The following KLF17 variants were observed in gnomAD, a reference collection of about 807,000 sequenced individuals.
KLF17 encodes the protein Krueppel-like factor 17.
In KLF17, 31 loss-of-function variants were observed where a neutral mutation model predicts 34.2. The ratio of observed to expected loss-of-function variants is 0.91; its 90% CI spans 0.68 to 1.22. The LOEUF (loss-of-function observed/expected upper bound fraction) is 1.22. Among genes scored for constraint, KLF17 ranks in the 50% most tolerant of loss-of-function variants. KLF17 has a pLI of 0.00. For missense variants in KLF17, 478 were observed against 505.2 expected, an observed-to-expected ratio of 0.95 and a Z score of 0.52; for synonymous variants, 179 against 186.7, an observed-to-expected ratio of 0.96 and a Z score of 0.34.
the KLF17 span, among the ~76,000 whole-genome samples, chr1:44,079,340 G>T: frequency 7.1e-6 from 1 of 140,544 alleles, no homozygotes; most frequent in African/African-American, 2.7e-5. Context: ...TTGCTCTGTT[G>T]CCCAGGTTGG....
the KLF17 span, among the ~76,000 whole-genome samples, chr1:44,081,100 T>C: frequency 2.0e-5 from 3 of 151,656 alleles, no homozygotes; most frequent in South Asian, 4.2e-4. Flanking sequence ...TGAGGAAGTA[T>C]ACCACTGTAA....
the KLF17 span, among the ~76,000 whole-genome samples, chr1:44,053,462 G>C: frequency 1.3e-4 from 20 of 152,208 alleles, no homozygotes; most frequent in African/African-American, 2.2e-4. Context: ...TAGTTCTGGG[G>C]GGGGAGGACA....
At chr1:44,111,289 C>T in the KLF17 span, among the ~76,000 whole-genome samples, 4 of 152,096 alleles carry the variant, frequency 2.6e-5, no homozygotes, top group African/African-American at 4.8e-5. Context: ...AGCCACCATG[C>T]CCGGCCTGTG....
chr1:44,083,505 T>C, the KLF17 span, among the ~76,000 whole-genome samples: 1 of 151,952 alleles, frequency 6.6e-6, no homozygotes, highest in African/African-American at 2.4e-5. Context: ...GCTCATGAAA[T>C]AGGCACAAGA....
the KLF17 span, among the ~76,000 whole-genome samples, chr1:44,064,051 GA>G: frequency 6.6e-6 from 1 of 152,134 alleles, no homozygotes; most frequent in Non-Finnish European, 1.5e-5. Context: ...GGCACATGGA[GA>G]ATACCTAGCA....
At chr1:44,099,916 A>AGAAAGAAG in the KLF17 span, among the ~76,000 whole-genome samples, 3 of 71,622 alleles carry the variant, frequency 4.2e-5, no homozygotes, top group Non-Finnish European at 9.6e-5. Context: ...AAAGAAAGAA[A>AGAAAGAAG]GAAAAGAAAG....
At chr1:44,131,740 G>A (rs1172600039) in intron 3 of KLF17, among the ~76,000 whole-genome samples, 1 of 152,194 alleles carries the variant, frequency 6.6e-6, no homozygotes, top group Non-Finnish European at 1.5e-5. Context: ...TGCCACCATG[G>A]CTGGAGTACA....
At chr1:44,128,551 C>G (rs1003334752) in intron 1 of KLF17, among the ~76,000 whole-genome samples, 15 of 152,106 alleles carry the variant, frequency 9.9e-5, no homozygotes, top group African/African-American at 3.6e-4. Context: ...GATCTCAGAC[C>G]TGCCCAGGCA....
At chr1:44,120,938 C>A (rs1199585705) in intron 1 of KLF17, among the ~76,000 whole-genome samples, 2 of 152,132 alleles carry the variant, frequency 1.3e-5, no homozygotes, top group Non-Finnish European at 2.9e-5. Flanking sequence ...CCACAACGAT[C>A]ACACCTGGGC....
Position 44,129,847 on chromosome 1 carries a change from G to A in KLF17, c.576G>A (p.Leu192=). Residue 192 remains leucine (L), a synonymous_variant, in exon 2 of 4, where the codon TTG becomes TTA. Coordinates refer to ENST00000372299, the MANE Select transcript of KLF17 (RefSeq NM_173484.4). Reference sequence around the variant, plus strand: ...CAGTACCTTCTGACGAAACATTGTTGGGCCCGACTGTGCCTTCCACTGAGG... The same window carrying A: ...CAGTACCTTCTGACGAAACATTGTTAGGCCCGACTGTGCCTTCCACTGAGG... ...LSTVPSDETL[L]GPTVPSTEAQ... is the part of the protein sequence containing the mutation. The A allele has an allele frequency of 6.2e-7, 1 of 1,614,174 alleles. No homozygotes were observed. Among genetic ancestry groups the A allele is most frequent in the South Asian group, 1.1e-5 (1 of 91,078 alleles).
the KLF17 span, among the ~76,000 whole-genome samples, chr1:44,091,668 A>G: frequency 1.3e-5 from 2 of 151,292 alleles, no homozygotes; most frequent in Non-Finnish European, 2.9e-5. Context: ...AGAACAAGAA[A>G]AGAAAAAGAA....
At chr1:44,102,062 CAA>C in the KLF17 span, among the ~76,000 whole-genome samples, 1 of 151,682 alleles carries the variant, frequency 6.6e-6, no homozygotes, top group African/African-American at 2.4e-5. Context: ...AACAAACAAA[CAA>C]AAGAGTGGAA....
rs2485652 is a variant in KLF17 at position 44,129,738 on chromosome 1, A to T, written c.467A>T (p.Asn156Ile). 1 of 1,613,814 alleles carries T rather than the reference A, an allele frequency of 6.2e-7. No homozygotes were observed. The highest frequency in any genetic ancestry group is 8.5e-7 in the Non-Finnish European group (1 of 1,179,878). Reference sequence around the variant, plus strand: ...GGTGGGAATCTAAGGATGCCCCCCAATGGGCTGCCAGTCTCGGCTTCCACT... The same window carrying T: ...GGTGGGAATCTAAGGATGCCCCCCATTGGGCTGCCAGTCTCGGCTTCCACT... ...PFGGNLRMPP[N>I]GLPVSASTGI... Residue 156 changes from asparagine to isoleucine, a missense_variant, in exon 2 of 4, where the codon AAT (asparagine) becomes ATT (isoleucine). By Grantham distance (149) the Asn-to-Ile change is moderately radical (BLOSUM62 -3). Coordinates refer to ENST00000372299, the MANE Select transcript of KLF17 (RefSeq NM_173484.4).
chr1:44,089,840 A>G, the KLF17 span, among the ~76,000 whole-genome samples: 2 of 152,108 alleles, frequency 1.3e-5, no homozygotes, highest in African/African-American at 4.8e-5. Flanking sequence ...TGAGTGCTTC[A>G]TGTTACAAAG....
chr1:44,079,602 C>T, the KLF17 span, among the ~76,000 whole-genome samples: 2 of 152,094 alleles, frequency 1.3e-5, no homozygotes, highest in Non-Finnish European at 1.5e-5. Context: ...CCACGCCTGG[C>T]CTAGTAATTC....
the KLF17 span, among the ~76,000 whole-genome samples, chr1:44,061,565 G>A: frequency 2.0e-5 from 3 of 152,180 alleles, no homozygotes; most frequent in Admixed American, 6.5e-5. Flanking sequence ...CAACCTGAAA[G>A]TTATCACCTT....
intron 3 of KLF17, among the ~76,000 whole-genome samples, chr1:44,132,729 C>T (rs935690857): frequency 6.6e-6 from 1 of 152,118 alleles, no homozygotes; most frequent in Non-Finnish European, 1.5e-5. Flanking sequence ...ACTTCTTCTC[C>T]TCCCACCTTC....
rs567254589 is a variant in KLF17, at chr1:44,130,508, C to T, written c.926-4C>T. 6 of 1,614,062 alleles carry T rather than the reference C, an allele frequency of 3.7e-6. No individual in the cohort carries two copies. Among genetic ancestry groups the T allele is most frequent in the Non-Finnish European group, 5.1e-6 (6 of 1,179,936 alleles). On this transcript the variant is annotated splice_polypyrimidine_tract_variant and splice_region_variant and intron_variant, in intron 2 of 3. Coordinates refer to ENST00000372299, the MANE Select transcript of KLF17 (RefSeq NM_173484.4). Reference sequence around the variant, plus strand: ...AAATTCCATCTCTCCCTTGTCATTCCCAGGTGAGAGGCCATATTCTTGCAA... The same window carrying T: ...AAATTCCATCTCTCCCTTGTCATTCTCAGGTGAGAGGCCATATTCTTGCAA...
At chr1:44,122,143 C>G in intron 1 of KLF17, 1 of 1,517,388 alleles carries the variant, frequency 6.6e-7, no homozygotes, top group Non-Finnish European at 9.1e-7. Context: ...AACAGTAATC[C>G]TGAGAGACAT....
Sources: allele counts gnomAD v4.1 joint callset (sites outside exome capture counted in the v4.1 genomes callset), GRCh38; gene constraint gnomAD v4.1.1; transcripts MANE v1.5; gene names NCBI Gene and HGNC (gene_info 2026-07-23, HGNC 2026-07-21).